INSC: variants seen among roughly 807,000 people sequenced by gnomAD.
The protein encoded by INSC is INSC spindle orientation adaptor protein.
In INSC, 67 loss-of-function variants were observed where a neutral mutation model predicts 58.6. The observed-to-expected ratio is 1.14, with a 90% CI of 0.94 to 1.40. The LOEUF (loss-of-function observed/expected upper bound fraction) is 1.40. Among genes scored for constraint, INSC ranks in the 40% most tolerant of loss-of-function variants. The pLI is 0.00. For synonymous variants in INSC, 262 were observed against 276.1 expected, an observed-to-expected ratio of 0.95 and a Z score of 0.51; for missense variants, 714 against 692.0, an observed-to-expected ratio of 1.03 and a Z score of -0.36.
chr11:15,172,567 G>A (rs1190179718), intron 2 of INSC, among the ~76,000 whole-genome samples: 1 of 152,208 alleles, frequency 6.6e-6, no homozygotes, highest in East Asian at 1.9e-4. Flanking sequence ...GCCCTGAGGG[G>A]GAACTCATGA....
intron 8 of INSC, among the ~76,000 whole-genome samples, chr11:15,223,902 A>G (rs529013955): frequency 5.3e-5 from 8 of 152,360 alleles, no homozygotes; most frequent in South Asian, 4.1e-4. Context: ...AACATTGCCC[A>G]GAGGGAGGCA....
At chr11:15,263,434 A>C in the INSC span, among the ~76,000 whole-genome samples, 4 of 151,892 alleles carry the variant, frequency 2.6e-5, no homozygotes, top group African/African-American at 9.7e-5. Flanking sequence ...TAAAAATGAG[A>C]CTGCAAAACA....
rs201053455 is a variant in INSC, at chr11:15,211,969, CTTCT to C, written c.820-9505_820-9502del. Among the ~76,000 whole-genome samples the C allele has an allele frequency of 1.9e-3, 286 of 151,876 alleles. 12 individuals carry two copies. The East Asian group carries it at 0.041, about 22-fold the overall frequency. Reference sequence around the variant, plus strand: ...GTAACATAAATTAACCAACTTTGTTCTTCTTTAAGATTATCTTGGTAATTCTTAA... The same window carrying C: ...GTAACATAAATTAACCAACTTTGTTCTTAAGATTATCTTGGTAATTCTTAA... On this transcript the variant is annotated intron_variant, in intron 7 of 12. Transcript: ENST00000379556.
rs375429557 is a variant in INSC at position 15,138,374 on chromosome 11, T to TA, written c.-45-10748dup. Among the ~76,000 whole-genome samples the TA allele has an allele frequency of 7.7e-3, 1,173 of 151,868 alleles. 13 individuals carry two copies. The highest frequency in any genetic ancestry group is 0.027 in the African/African-American group (1,118 of 41,412). On this transcript the variant is annotated intron_variant, in intron 1 of 12. Transcript: ENST00000379556. Reference sequence around the variant, plus strand: ...GGGTTTGTCCCAAACCTTCAATTTGTAAAAAAAAGAAAATAAAAAAGCAGT... The same window carrying TA: ...GGGTTTGTCCCAAACCTTCAATTTGTAAAAAAAAAGAAAATAAAAAAGCAGT...
At chr11:15,208,942 G>C (rs78784052) in intron 7 of INSC, among the ~76,000 whole-genome samples, 1 of 152,198 alleles carries the variant, frequency 6.6e-6, no homozygotes, top group Non-Finnish European at 1.5e-5. Flanking sequence ...CGGAGTGAGT[G>C]GGGGAGTAGG....
At chr11:15,207,736 T>C (rs193034640) in intron 7 of INSC, among the ~76,000 whole-genome samples, 2 of 152,306 alleles carry the variant, frequency 1.3e-5, no homozygotes, top group African/African-American at 4.8e-5. Context: ...CAGATGGTCA[T>C]AAATAGTTAA....
At chr11:15,249,272 A>G (rs982451331), downstream of INSC, among the ~76,000 whole-genome samples, 4 of 152,244 alleles carry the variant, frequency 2.6e-5, no homozygotes, top group African/African-American at 9.6e-5. Context: ...CAGGTAGAAA[A>G]GTCTACATCC....
intron 11 of INSC, 111 bp from the exon 12 acceptor site, chr11:15,240,336 G>T (rs1019656689): frequency 5.5e-6 from 5 of 906,342 alleles, no homozygotes; most frequent in African/African-American, 1.6e-5. Flanking sequence ...CCCGAGGTGG[G>T]TTCAGTCCCC....
intron 6 of INSC, among the ~76,000 whole-genome samples, chr11:15,191,125 C>T (rs2187533): frequency 0.3 from 45,277 of 151,514 alleles, 7,057 homozygotes; most frequent in Non-Finnish European, 0.34. Flanking sequence ...GGACTACAGG[C>T]GCCTGCCACC....
intron 1 of INSC, among the ~76,000 whole-genome samples, 200 bp from the exon 2 acceptor site, chr11:15,148,930 G>A (rs1848562554): frequency 6.6e-6 from 1 of 152,202 alleles, no homozygotes; most frequent in Non-Finnish European, 1.5e-5. Context: ...GTGGGCTAGG[G>A]ACTTAGAAAC....
intron 1 of INSC, among the ~76,000 whole-genome samples, chr11:15,134,506 G>A (rs1433516474): frequency 6.6e-6 from 1 of 152,162 alleles, no homozygotes; most frequent in Non-Finnish European, 1.5e-5. Context: ...ATTCCACCAT[G>A]ATCCCATTAA....
chr11:15,236,703 C>A (rs1852145572), intron 10 of INSC, among the ~76,000 whole-genome samples: 2 of 152,210 alleles, frequency 1.3e-5, no homozygotes, highest in African/African-American at 4.8e-5. Context: ...AATAAGGGAG[C>A]AATTAGCAAC....
At chr11:15,118,640 C>T (rs1271976758) in intron 1 of INSC, among the ~76,000 whole-genome samples, 1 of 152,106 alleles carries the variant, frequency 6.6e-6, no homozygotes, top group Non-Finnish European at 1.5e-5. Flanking sequence ...TTTTTTCCTT[C>T]CCAGAAAAGT....
chr11:15,132,976 A>T (rs1008995272), intron 1 of INSC, among the ~76,000 whole-genome samples: 1 of 151,940 alleles, frequency 6.6e-6, no homozygotes. Flanking sequence ...GTGTGTATGT[A>T]TATGTTTTGT....
At position 15,241,663 on chromosome 11, in the gene INSC, G is replaced by T. The variant is rs1319997759; in HGVS notation, c.1470+1140G>T. The T allele has an allele frequency of 1.9e-5, 13 of 702,104 alleles. 1 individual carries two copies. The allele number at this position is 702,104 out of a possible 1,614,324, so 43.5% of individuals were successfully genotyped here. A position where few individuals can be genotyped will look rare whatever the true frequency, so the allele number is the denominator to read the frequency against. ...CATTCAAGGTAATCTTAATCTTTTT[G>T]TATCTTTGGTACTCTGGTGAAGCTT... On this transcript the variant is annotated intron_variant, in intron 12 of 12. Transcript: ENST00000379556.
At chr11:15,212,205 G>A (rs1207847933) in intron 7 of INSC, among the ~76,000 whole-genome samples, 1 of 152,096 alleles carries the variant, frequency 6.6e-6, no homozygotes, top group Non-Finnish European at 1.5e-5. Context: ...GGGTTCAAGC[G>A]ATTCTCCTGC....
chr11:15,176,962 C>G lies in INSC; in HGVS notation c.403-149C>G, dbSNP rs950019787. The G allele has an allele frequency of 1.2e-5, 8 of 652,666 alleles. No homozygotes were observed. The Admixed American group carries it at 1.7e-4, about 14-fold the overall frequency. 40.4% of individuals were successfully genotyped at this position (652,666 alleles called of 1,614,324 possible). ...AGCCTACCGTGAGCTCTTTCACCAC[C>G]TGTATCACACTGTGTTATATTTTAA... On this transcript the variant is annotated intron_variant, in intron 3 of 12. Transcript: ENST00000379556.
upstream of INSC, chr11:15,112,511 T>A: frequency 6.2e-7 from 1 of 1,612,386 alleles, no homozygotes; most frequent in Non-Finnish European, 8.5e-7. Context: ...CCAGCGAAGG[T>A]CCAGGTGGCT....
At chr11:15,239,659 C>T (rs540075534) in intron 11 of INSC, among the ~76,000 whole-genome samples, 225 of 152,210 alleles carry the variant, frequency 1.5e-3, no homozygotes, top group African/African-American at 5.0e-3. Context: ...ATGGAGGTGA[C>T]AGATAAAAAA....
Sources: allele counts gnomAD v4.1 joint callset (sites outside exome capture counted in the v4.1 genomes callset), GRCh38; gene constraint gnomAD v4.1.1; transcripts MANE v1.5; gene names NCBI Gene and HGNC (gene_info 2026-07-23, HGNC 2026-07-21).